HEY1: variants seen among roughly 807,000 people sequenced by gnomAD.
The protein encoded by HEY1 is hes related family bHLH transcription factor with YRPW motif 1, also known as hairy/enhancer-of-split related with YRPW motif protein 1.
Under a neutral mutation model 28.7 loss-of-function variants are expected in HEY1, and 9 were observed. The observed-to-expected ratio is 0.31, with a 90% CI of 0.19 to 0.55. The LOEUF (loss-of-function observed/expected upper bound fraction) is 0.55, where lower values mean the gene tolerates loss of function less well. Among genes scored for constraint, HEY1 ranks in the 20% least tolerant of loss-of-function variants. The probability of loss-of-function intolerance (pLI) is 0.93; values close to 1 mark genes in which losing one functional copy is unlikely to be tolerated. For missense variants in HEY1, 385 were observed against 399.4 expected, an observed-to-expected ratio of 0.96 and a Z score of 0.31; for synonymous variants, 213 against 175.6, an observed-to-expected ratio of 1.21 and a Z score of -1.68.
intron 4 of HEY1, chr8:79,766,424 TC>T: frequency 6.9e-7 from 1 of 1,455,280 alleles, no homozygotes. Flanking sequence ...TAGGTATTTT[TC>T]CAAAAGATGC....
rs756633732 is a variant in HEY1 at position 79,766,741 on chromosome 8, G to A, written c.250-9C>T. The stretch of plus-strand genomic sequence containing the variant: ...TCTAGCTTAGCAGATCCCTAAAGAT[G>A]AGAATGGCAAAAGATTGATTTGGCA... On this transcript the variant is annotated splice_polypyrimidine_tract_variant and intron_variant, in intron 3 of 4. Coordinates refer to ENST00000354724, the MANE Select transcript of HEY1 (RefSeq NM_012258.4). 3.1e-6 allele frequency: 5 copies of A among 1,613,552 alleles called. No individual in the cohort carries two copies. Among genetic ancestry groups the A allele is most frequent in the Non-Finnish European group, 4.2e-6 (5 of 1,179,608 alleles).
At position 79,767,586 on chromosome 8, in the gene HEY1, C is replaced by G. The variant is rs1807878769; in HGVS notation, c.78G>C (p.Ala26=). The change falls in exon 1 of 5, where the codon GCG becomes GCC. Residue 26 remains alanine (A), a synonymous_variant. Coordinates refer to ENST00000354724, the MANE Select transcript of HEY1 (RefSeq NM_012258.4). ...DETIEVEKES[A]DENGNLSSAL... Reference sequence around the variant, plus strand: ...CGCCGCCAGCTCACCCATTCTCGTCCGCACTCTCCTTCTCCACCTCGATGG... The same window carrying G: ...CGCCGCCAGCTCACCCATTCTCGTCGGCACTCTCCTTCTCCACCTCGATGG... 6.2e-7 allele frequency: 1 copy of G among 1,609,070 alleles called. No homozygotes were observed. Among genetic ancestry groups the G allele is most frequent in the East Asian group, 2.2e-5 (1 of 44,478 alleles).
chr8:79,767,477 G>T, intron 1 of HEY1, 98 bp downstream of exon 1: 1 of 1,280,082 alleles, frequency 7.8e-7, no homozygotes, highest in Non-Finnish European at 1.1e-6. Flanking sequence ...GTCAGCGCAG[G>T]GCACCGGCGC....
intron 1 of HEY1, 92 bp downstream of exon 1, chr8:79,767,483 G>T: frequency 1.5e-6 from 2 of 1,310,970 alleles, no homozygotes; most frequent in South Asian, 1.3e-5. Flanking sequence ...GCAGGGCACC[G>T]GCGCGCCAAG....
chr8:79,767,632 G>A lies in HEY1; in HGVS notation c.32C>T (p.Ser11Leu), dbSNP rs757997129. The change falls in exon 1 of 5, where the codon TCG (serine) becomes TTG (leucine). Residue 11 changes from serine to leucine, a missense_variant. Ser to Leu is a moderately radical substitution (Grantham distance 145). Around this residue, in one of 3 missense-constraint regions of HEY1, gnomAD observed 79 missense variants for 60.7 expected, o/e 1.30. Transcript: ENST00000354724. MKRAHPEYSS[S>L]DSELDETIEV... is the part of the protein sequence containing the mutation. Reference sequence around the variant, plus strand: ...GATGGTCTCGTCCAGCTCGCTGTCCGAGGAGCTGTACTCGGGGTGAGCTCG... The same window carrying A: ...GATGGTCTCGTCCAGCTCGCTGTCCAAGGAGCTGTACTCGGGGTGAGCTCG... The A allele has an allele frequency of 3.1e-6, 5 of 1,609,390 alleles. No individual in the cohort carries two copies. The highest frequency in any genetic ancestry group is 3.4e-6 in the Non-Finnish European group (4 of 1,178,582).
Position 79,764,351 on chromosome 8 carries a change from C to T in HEY1, c.*837G>A, listed in dbSNP as rs1807775879. On this transcript the variant is annotated 3_prime_UTR_variant, in exon 5 of 5. Transcript: ENST00000354724. ...CACCATGATCACTTATCCATGTTAA[C>T]ATTTGTGAATTTGAGATCCGTGTGA... 1 of 226,734 alleles carries T rather than the reference C, an allele frequency of 4.4e-6. No individual in the cohort carries two copies. The highest frequency in any genetic ancestry group is 5.7e-5 in the Admixed American group (1 of 17,548). The allele number at this position is 226,734 out of a possible 1,614,324, so 14.0% of individuals were successfully genotyped here. A position where few individuals can be genotyped will look rare whatever the true frequency, so the allele number is the denominator to read the frequency against.
chr8:79,766,470 T>C (rs1454683397), intron 4 of HEY1, 181 bp downstream of exon 4: 1 of 1,498,986 alleles, frequency 6.7e-7, no homozygotes, highest in Non-Finnish European at 8.8e-7. Flanking sequence ...GGGTGGTGAA[T>C]TCACTGGAGA....
Position 79,766,155 on chromosome 8 carries a change from T to C in HEY1, c.332-384A>G, listed in dbSNP as rs942713053. 4.4e-5 allele frequency: 62 copies of C among 1,412,988 alleles called. No individual in the cohort carries two copies. The African/African-American group carries it at 7.6e-4, about 17-fold the overall frequency. The allele number at this position is 1,412,988 out of a possible 1,614,324, so 87.5% of individuals were successfully genotyped here. ...TTATCATCGCGGAGCTTTTAGGCACTTGGACCTCAGTAAAGCATTTTCCTG... is the reference window on the plus strand; with the variant it reads ...TTATCATCGCGGAGCTTTTAGGCACCTGGACCTCAGTAAAGCATTTTCCTG... On this transcript the variant is annotated intron_variant, in intron 4 of 4. Transcript: ENST00000354724.
intron 4 of HEY1, 120 bp downstream of exon 4, chr8:79,766,531 A>C (rs1447583728): frequency 6.5e-7 from 1 of 1,541,536 alleles, no homozygotes; most frequent in Non-Finnish European, 8.7e-7. Context: ...CACACACCAC[A>C]CACCGTTCTC....
Position 79,767,754 on chromosome 8 carries a change from G to T in HEY1, c.-91C>A. ...CGCCTCTCCGCTCTCGGCTGCTTGC[G>T]TTCCGCACACACTGATCCCGCTCAC... On this transcript the variant is annotated 5_prime_UTR_variant, in exon 1 of 5. Transcript: ENST00000354724. 1.1e-6 allele frequency: 1 copy of T among 890,242 alleles called. No homozygotes were observed. Among genetic ancestry groups the T allele is most frequent in the Non-Finnish European group, 1.8e-6 (1 of 558,820 alleles). The allele number at this position is 890,242 out of a possible 1,614,324, so 55.1% of individuals were successfully genotyped here. A position where few individuals can be genotyped will look rare whatever the true frequency, so the allele number is the denominator to read the frequency against.
chr8:79,766,087 G>C, intron 4 of HEY1: 4 of 810,420 alleles, frequency 4.9e-6, no homozygotes, highest in Non-Finnish European at 7.5e-6. Context: ...CAAGGGCAGA[G>C]AAACCACAGA....
intron 4 of HEY1, among the ~76,000 whole-genome samples, chr8:79,766,034 T>C (rs1354189298): frequency 2.0e-5 from 3 of 151,008 alleles, no homozygotes; most frequent in African/African-American, 7.3e-5. Flanking sequence ...GAAACTATGT[T>C]CATTCCTTTA....
In HEY1 at chr8:79,767,591, T is replaced by C; in HGVS notation, c.73A>G (p.Ser25Gly). The C allele has an allele frequency of 6.2e-7, 1 of 1,609,904 alleles. No homozygotes were observed. The highest frequency in any genetic ancestry group is 8.5e-7 in the Non-Finnish European group (1 of 1,178,650). Residue 25 changes from serine to glycine, a missense_variant, in exon 1 of 5, where the codon AGT (serine) becomes GGT (glycine). Around this residue, in one of 3 missense-constraint regions of HEY1, gnomAD observed 79 missense variants for 60.7 expected, o/e 1.30. Coordinates refer to ENST00000354724, the MANE Select transcript of HEY1 (RefSeq NM_012258.4). Reference sequence around the variant, plus strand: ...CCAGCTCACCCATTCTCGTCCGCACTCTCCTTCTCCACCTCGATGGTCTCG... The same window carrying C: ...CCAGCTCACCCATTCTCGTCCGCACCCTCCTTCTCCACCTCGATGGTCTCG... ...LDETIEVEKE[S>G]ADENGNLSSA...
chr8:79,767,684 T>C lies in HEY1; in HGVS notation c.-21A>G. 19 of 1,568,430 alleles carry C rather than the reference T, an allele frequency of 1.2e-5. No homozygotes were observed. Among genetic ancestry groups the C allele is most frequent in the Non-Finnish European group, 1.6e-5 (19 of 1,156,204 alleles). On this transcript the variant is annotated 5_prime_UTR_variant, in exon 1 of 5. Coordinates refer to ENST00000354724, the MANE Select transcript of HEY1 (RefSeq NM_012258.4). ...TTCATGCTGGCTCCCTGGGGGTTCC[T>C]GGGGAGGGTCGGCGCGGCGGGCAGG...
In HEY1 at chr8:79,765,215, A is replaced by T. The variant is rs191861249; in HGVS notation, c.888T>A (p.Pro296=). 1.3e-6 allele frequency: 2 copies of T among 1,549,912 alleles called. No homozygotes were observed. The highest frequency in any genetic ancestry group is 2.0e-5 in the Admixed American group (1 of 50,502). Residue 296 remains proline (P), a synonymous_variant, in exon 5 of 5, where the codon CCT becomes CCA. Coordinates refer to ENST00000354724, the MANE Select transcript of HEY1 (RefSeq NM_012258.4). ...AAAAAGCTCCGATCTCCGTCCCCCA[A>T]GGTCTATAGGGCTTGCCAAGGTTTG... ...QAANLGKPYR[P]WGTEIGAF is the part of the protein sequence containing the mutation.
intron 4 of HEY1, chr8:79,766,431 G>T: frequency 6.8e-7 from 1 of 1,463,378 alleles, no homozygotes; most frequent in South Asian, 1.4e-5. Flanking sequence ...TTTTCCAAAA[G>T]ATGCACTAGC....
At chr8:79,767,406 G>A (rs1482906998) in intron 1 of HEY1, 112 bp from the exon 2 acceptor site, 14 of 1,163,826 alleles carry the variant, frequency 1.2e-5, no homozygotes, top group African/African-American at 3.1e-5. Context: ...TTGCCACTTG[G>A]GCTGGAAGGC....
Position 79,765,466 on chromosome 8 carries a change from G to C in HEY1, c.637C>G (p.Pro213Ala), listed in dbSNP as rs1278912953. 6.2e-7 allele frequency: 1 copy of C among 1,613,342 alleles called. No homozygotes were observed. The change falls in exon 5 of 5, where the codon CCG (proline) becomes GCG (alanine). Residue 213 changes from proline to alanine, a missense_variant. Transcript: ENST00000354724. Reference sequence around the variant, plus strand: ...GAGCCCAGCCTGCCCTGGTGGTGCGGTTCCGTGGGTGAGGCCGTGGTGCCC... The same window carrying C: ...GAGCCCAGCCTGCCCTGGTGGTGCGCTTCCGTGGGTGAGGCCGTGGTGCCC... ...NAGTTASPTE[P>A]HHQGRLGSAH...
chr8:79,767,639 T>G lies in HEY1; in HGVS notation c.25A>C (p.Ser9Arg). Reference sequence around the variant, plus strand: ...TCGTCCAGCTCGCTGTCCGAGGAGCTGTACTCGGGGTGAGCTCGCTTCATG... The same window carrying G: ...TCGTCCAGCTCGCTGTCCGAGGAGCGGTACTCGGGGTGAGCTCGCTTCATG... MKRAHPEY[S>R]SSDSELDETI... The change falls in exon 1 of 5, where the codon AGC (serine) becomes CGC (arginine). Residue 9 changes from serine (S) to arginine (R), a missense_variant. Physicochemically the swap from Ser to Arg is moderately radical, Grantham distance 110. Transcript: ENST00000354724. 1 of 1,607,798 alleles carries G rather than the reference T, an allele frequency of 6.2e-7. No homozygotes were observed. The highest frequency in any genetic ancestry group is 8.5e-7 in the Non-Finnish European group (1 of 1,177,880).
Sources: gnomAD v4.1 joint callset for allele counts (sites outside exome capture counted in the v4.1 genomes callset) on GRCh38, gnomAD v4.1.1 for gene constraint, gnomAD v4.1.1 regional missense constraint, MANE v1.5 for transcripts, NCBI Gene and HGNC (gene_info 2026-07-23, HGNC 2026-07-21) for gene names.